ABLIM2: variants seen among roughly 807,000 people sequenced by gnomAD.
The protein encoded by ABLIM2 is actin-binding LIM protein 2.
In ABLIM2, 53 loss-of-function variants were observed where a neutral mutation model predicts 97.7. That is an observed-to-expected ratio of 0.54 (90% CI 0.44 to 0.68). The LOEUF is 0.68. ABLIM2 is among the 30% of genes least tolerant of loss of function. The pLI is 0.00. For missense variants in ABLIM2, 835 were observed against 867.2 expected (o/e 0.96, Z 0.47); for synonymous variants, 361 against 345.8 (o/e 1.04, Z -0.49).
chr4:8,126,750 C>T (rs1209717466), intron 1 of ABLIM2, among the ~76,000 whole-genome samples: 1 of 152,074 alleles, frequency 6.6e-6, no homozygotes, highest in Non-Finnish European at 1.5e-5. Context: ...GAGGCACACC[C>T]TCCTGAGCTG....
chr4:8,080,547 A>G (rs192064371), intron 5 of ABLIM2, 129 bp downstream of exon 5: 11 of 1,069,664 alleles, frequency 1.0e-5, no homozygotes, highest in Non-Finnish European at 1.4e-5. Flanking sequence ...GCAGCAGGGC[A>G]GTAGTAGCTG....
rs1822761650 is a variant in ABLIM2 at position 8,085,374 on chromosome 4, G to T, written c.454+2795C>A. ...TCCTCACGGCCTCCAGATGTACCGA[G>T]AACACCACGGCGTGGCTTTGGAGGA... is the stretch of plus-strand genomic sequence containing the variant. On this transcript the variant is annotated intron_variant, in intron 4 of 20. Transcript: ENST00000447017. The surrounding 1 kb of genome is among the most constrained non-coding windows in gnomAD (Gnocchi z 6.1). Among the ~76,000 whole-genome samples the T allele has an allele frequency of 6.6e-6, 1 of 152,194 alleles. No homozygotes were observed. Among genetic ancestry groups the T allele is most frequent in the African/African-American group, 2.4e-5 (1 of 41,458 alleles).
intron 14 of ABLIM2, among the ~76,000 whole-genome samples, chr4:8,012,991 T>C (rs1334099825): frequency 6.6e-6 from 1 of 152,118 alleles, no homozygotes; most frequent in African/African-American, 2.4e-5. Flanking sequence ...GTCTTAAGAA[T>C]GGGGGATGCA....
rs1013827354 is a variant in ABLIM2, at chr4:8,012,216, T to C, written c.1424-3114A>G. Among the ~76,000 whole-genome samples, 11 of 147,426 alleles carry C rather than the reference T, an allele frequency of 7.5e-5. No individual in the cohort carries two copies. In the Admixed American group the frequency reaches 7.5e-4, roughly 10 times the overall value. ...ATCTACCCATTCACCCGCCTATACA[T>C]CCATCTGTCCATTCATCCAGCCAGC... On this transcript the variant is annotated intron_variant, in intron 14 of 20. Transcript: ENST00000447017.
chr4:8,075,764 G>C lies in ABLIM2; in HGVS notation c.675+1864C>G, dbSNP rs966136721. 6.6e-6 allele frequency among the ~76,000 whole-genome samples: 1 copy of C among 152,172 alleles called. No homozygotes were observed. Among genetic ancestry groups the C allele is most frequent in the African/African-American group, 2.4e-5 (1 of 41,440 alleles). ...AAATTGTGAACTCTATCTCAATGAA[G>C]CTATTTAAAAAGACCCCACAATACC... On this transcript the variant is annotated intron_variant, in intron 6 of 20. Coordinates refer to ENST00000447017, the MANE Select transcript of ABLIM2 (RefSeq NM_001130083.2). The surrounding 1 kb of genome is among the most constrained non-coding windows in gnomAD (Gnocchi z 4.4).
chr4:8,010,662 T>C, intron 14 of ABLIM2: 4 of 893,842 alleles, frequency 4.5e-6, no homozygotes, highest in Non-Finnish European at 5.4e-6. Context: ...AGACAGTGAT[T>C]TTCAGCGTGA....
rs1482846029 is a variant in ABLIM2 at position 8,001,851 on chromosome 4, C to T, written c.1618+6208G>A. 3.9e-5 allele frequency among the ~76,000 whole-genome samples: 6 copies of T among 152,206 alleles called. No homozygotes were observed. Among genetic ancestry groups the T allele is most frequent in the South Asian group, 2.1e-4 (1 of 4,834 alleles). ...TTTCTCCCTCCTGGGCGCTCCTCCC[C>T]ACTTCCTCTGTGGAATCTCCTGCCC... On this transcript the variant is annotated intron_variant, in intron 16 of 20. Transcript: ENST00000447017. This position sits in a 1 kb window ranked among gnomAD's most constrained non-coding sequence, Gnocchi z 4.2.
chr4:7,991,402 C>CT (rs1748614702), intron 17 of ABLIM2, among the ~76,000 whole-genome samples: 1 of 69,590 alleles, frequency 1.4e-5, no homozygotes, highest in South Asian at 3.7e-4. Context: ...TTGGCTTGGT[C>CT]GGACTGTGAA....
rs1161251825 is a variant in ABLIM2 at position 8,019,506 on chromosome 4, G to A, written c.1423+112C>T. On this transcript the variant is annotated intron_variant, in intron 14 of 20. Coordinates refer to ENST00000447017, the MANE Select transcript of ABLIM2 (RefSeq NM_001130083.2). This position sits in a 1 kb window ranked among gnomAD's most constrained non-coding sequence, Gnocchi z 4.3. ...AATAGTCAGACTGCTAAGGGCCTTGGTGGTGCCTTCACTGCATTTATCAGA... is the reference window on the plus strand; with the variant it reads ...AATAGTCAGACTGCTAAGGGCCTTGATGGTGCCTTCACTGCATTTATCAGA... 2.9e-6 allele frequency: 3 copies of A among 1,033,926 alleles called. No homozygotes were observed. The highest frequency in any genetic ancestry group is 2.8e-6 in the Non-Finnish European group (2 of 703,126). 64.0% of individuals were successfully genotyped at this position (1,033,926 alleles called of 1,614,324 possible).
rs370294714 is a variant in ABLIM2 at position 7,998,239 on chromosome 4, G to A, written c.1619-5312C>T. Among the ~76,000 whole-genome samples the A allele has an allele frequency of 7.9e-5, 12 of 152,142 alleles. No homozygotes were observed. The highest frequency in any genetic ancestry group is 5.8e-4 in the East Asian group (3 of 5,180). On this transcript the variant is annotated intron_variant, in intron 16 of 20. Transcript: ENST00000447017. The surrounding 1 kb of genome is among the most constrained non-coding windows in gnomAD (Gnocchi z 6.4). ...TGATCTTCGGTGTTCTTGGTGTGAC[G>A]GGTAATTTTTCTGCAGTATCCTGGG...
intron 10 of ABLIM2, among the ~76,000 whole-genome samples, chr4:8,035,438 C>T (rs1299052596): frequency 6.6e-6 from 1 of 152,216 alleles, no homozygotes; most frequent in Non-Finnish European, 1.5e-5. Context: ...GACTGAGCTT[C>T]CCCACCCCGG....
intron 3 of ABLIM2, 147 bp from the exon 4 acceptor site, chr4:8,088,431 C>T: frequency 1.6e-6 from 1 of 644,322 alleles, no homozygotes; most frequent in South Asian, 1.9e-5. Flanking sequence ...CAGGGCCTCT[C>T]CACCCAGGCA....
chr4:8,066,649 C>T (rs897819766), intron 6 of ABLIM2: 3 of 152,154 alleles, frequency 2.0e-5, no homozygotes, highest in African/African-American at 7.2e-5. Flanking sequence ...ATGCCAGACG[C>T]AAAGCCACGG....
At chr4:8,020,068 T>C in intron 13 of ABLIM2, 134 bp downstream of exon 13, 1 of 741,542 alleles carries the variant, frequency 1.3e-6, no homozygotes, top group African/African-American at 1.8e-5. Flanking sequence ...TCTCAGTGCC[T>C]GGGGAGCAGT....
At chr4:8,143,305 C>T (rs1409465670) in intron 1 of ABLIM2, among the ~76,000 whole-genome samples, 1 of 151,886 alleles carries the variant, frequency 6.6e-6, no homozygotes, top group Admixed American at 6.6e-5. Context: ...ACACTGACTC[C>T]CAGGCCCCCA....
At position 8,067,133 on chromosome 4, in the gene ABLIM2, G is replaced by C. The variant is rs1808417592; in HGVS notation, c.676-6079C>G. The C allele has an allele frequency of 1.3e-5, 2 of 152,218 alleles. No individual in the cohort carries two copies. Among genetic ancestry groups the C allele is most frequent in the Non-Finnish European group, 2.9e-5 (2 of 68,058 alleles). 9.4% of individuals were successfully genotyped at this position (152,218 alleles called of 1,614,324 possible). A position where few individuals can be genotyped will look rare whatever the true frequency, so the allele number is the denominator to read the frequency against. On this transcript the variant is annotated intron_variant, in intron 6 of 20. Coordinates refer to ENST00000447017, the MANE Select transcript of ABLIM2 (RefSeq NM_001130083.2). The surrounding 1 kb of genome is among the most constrained non-coding windows in gnomAD (Gnocchi z 5.4). Reference sequence around the variant, plus strand: ...TGTCATTGAGAGAATGAGGAGCCAGGATCCAAAGAAGGCAGGCTGGATGCT... The same window carrying C: ...TGTCATTGAGAGAATGAGGAGCCAGCATCCAAAGAAGGCAGGCTGGATGCT...
chr4:8,080,122 C>A (rs1226894295), intron 5 of ABLIM2, among the ~76,000 whole-genome samples: 1 of 152,200 alleles, frequency 6.6e-6, no homozygotes, highest in East Asian at 1.9e-4. Context: ...GGCCACCACC[C>A]CAGTGTGACT....
intron 1 of ABLIM2, among the ~76,000 whole-genome samples, chr4:8,131,968 C>T (rs1849498654): frequency 6.9e-6 from 1 of 144,980 alleles, no homozygotes; most frequent in Admixed American, 6.8e-5. Flanking sequence ...CAGCAGCCCG[C>T]ATCCCCTGCA....
chr4:7,995,268 G>T (rs1752451591), intron 16 of ABLIM2, among the ~76,000 whole-genome samples: 1 of 152,246 alleles, frequency 6.6e-6, no homozygotes, highest in East Asian at 1.9e-4. Context: ...TGCCTCATCT[G>T]GGGGTGTCAC....
Sources: gnomAD v4.1 joint callset for allele counts (sites outside exome capture counted in the v4.1 genomes callset) on GRCh38, gnomAD v4.1.1 for gene constraint, Gnocchi (gnomAD v3.1) non-coding constraint, MANE v1.5 for transcripts, NCBI Gene and HGNC (gene_info 2026-07-23, HGNC 2026-07-21) for gene names.